Variants in CREBBP observed in about 807,000 individuals in gnomAD.
CREBBP encodes the protein CREB binding lysine acetyltransferase, also known as CREB-binding protein.
Under a neutral mutation model 265.0 loss-of-function variants are expected in CREBBP, and 19 were observed. That is an observed-to-expected ratio of 0.07 (90% CI 0.05 to 0.11). The LOEUF (loss-of-function observed/expected upper bound fraction) is 0.11, where lower values mean the gene tolerates loss of function less well. Ranked by LOEUF, CREBBP falls within the 10% of genes least tolerant of loss-of-function variation. The pLI is 1.00. For missense variants in CREBBP, 2,525 were observed against 3,219.0 expected (o/e 0.78, Z 5.22); for synonymous variants, 1,457 against 1,223.7 (o/e 1.19, Z -3.98).
intron 5 of CREBBP, 147 bp downstream of exon 5, chr16:3,791,834 G>C: frequency 1.4e-6 from 1 of 740,732 alleles, no homozygotes. Context: ...CTCTGAGCTT[G>C]GCTGTACCTT....
In CREBBP at chr16:3,863,993, T is replaced by C. The variant is rs544789919; in HGVS notation, c.86-12984A>G. ...CGGAGAGGTGCTACAGTCAGCTGCC[T>C]ATCCACCCTGCTTACAGGGAGAGGA... On this transcript the variant is annotated intron_variant, in intron 1 of 30. Transcript: ENST00000262367. 2.6e-5 allele frequency among the ~76,000 whole-genome samples: 4 copies of C among 152,314 alleles called. No homozygotes were observed. The East Asian group carries it at 7.7e-4, about 29-fold the overall frequency.
chr16:3,726,596 A>G lies in CREBBP; in HGVS notation c.*1122T>C, dbSNP rs756547297. The G allele has an allele frequency of 8.6e-6, 2 of 233,556 alleles. No individual in the cohort carries two copies. Among genetic ancestry groups the G allele is most frequent in the Non-Finnish European group, 8.5e-6 (1 of 118,062 alleles). 14.5% of individuals were successfully genotyped at this position (233,556 alleles called of 1,614,324 possible). A position where few individuals can be genotyped will look rare whatever the true frequency, so the allele number is the denominator to read the frequency against. ...AAGAACAGACTCAAAAAATATATAT[A>G]AATAAATAAAAACCTTAAACATTCT... On this transcript the variant is annotated 3_prime_UTR_variant, in exon 31 of 31. Coordinates refer to ENST00000262367, the MANE Select transcript of CREBBP (RefSeq NM_004380.3).
intron 19 of CREBBP, among the ~76,000 whole-genome samples, chr16:3,753,134 C>T (rs910818397): frequency 3.9e-5 from 6 of 152,212 alleles, no homozygotes; most frequent in East Asian, 3.8e-4. Flanking sequence ...AGGACTCGAG[C>T]GCCAGGCTGA....
At chr16:3,827,424 CTCTGTTGCCCAGGCTGGA>C (rs1364919238) in intron 2 of CREBBP, among the ~76,000 whole-genome samples, 2 of 152,188 alleles carry the variant, frequency 1.3e-5, no homozygotes, top group African/African-American at 4.8e-5. Flanking sequence ...CAGAGTCTCA[CTCTGTTGCCCAGGCTGGA>C]GTGCAGTGAC....
In CREBBP at chr16:3,812,968, T is replaced by C. The variant is rs926115925; in HGVS notation, c.799-2189A>G. The C allele has an allele frequency of 2.5e-4, 53 of 213,884 alleles. 1 individual carries two copies. The East Asian group carries it at 3.6e-3, about 15-fold the overall frequency. The allele number at this position is 213,884 out of a possible 1,614,324, so 13.2% of individuals were successfully genotyped here. On this transcript the variant is annotated intron_variant, in intron 2 of 30. Transcript: ENST00000262367. ...GACTGCCACGCCAGCATGTCCACTC[T>C]GGGTAACTTAACATTCCTTCTATGG... is the stretch of plus-strand genomic sequence containing the variant.
rs2151296706 is a variant in CREBBP at position 3,727,213 on chromosome 16, A to C, written c.*505T>G. 4.0e-6 allele frequency: 1 copy of C among 251,522 alleles called. No individual in the cohort carries two copies. The highest frequency in any genetic ancestry group is 6.0e-5 in the East Asian group (1 of 16,798). 15.6% of individuals were successfully genotyped at this position (251,522 alleles called of 1,614,324 possible). ...CAGGGTAATACTGGGAGACGCCCAC[A>C]GAGTTCACTATAGAAAAAAATCTTC... is the stretch of plus-strand genomic sequence containing the variant. On this transcript the variant is annotated 3_prime_UTR_variant, in exon 31 of 31. Transcript: ENST00000262367.
rs1419580982 is a variant in CREBBP at position 3,770,599 on chromosome 16, G to T, written c.2851C>A (p.Pro951Thr). 8 of 1,613,498 alleles carry T rather than the reference G, an allele frequency of 5.0e-6. No individual in the cohort carries two copies. Among genetic ancestry groups the T allele is most frequent in the Non-Finnish European group, 5.9e-6 (7 of 1,180,016 alleles). Reference sequence around the variant, plus strand: ...GTGCCAGGAGGCTGGGCGTGCACAGGCGTCGGCTGTTGCTGCGATGACTGA... The same window carrying T: ...GTGCCAGGAGGCTGGGCGTGCACAGTCGTCGGCTGTTGCTGCGATGACTGA... ...TPQSSQQQPT[P>T]VHAQPPGTPL... is the part of the protein sequence containing the mutation. The change falls in exon 14 of 31, where the codon CCT becomes ACT. Residue 951 changes from proline (P) to threonine (T), a missense_variant. Around this residue, in one of 19 missense-constraint regions of CREBBP, gnomAD observed 548 missense variants for 533.0 expected, o/e 1.03. Coordinates refer to ENST00000262367, the MANE Select transcript of CREBBP (RefSeq NM_004380.3).
In CREBBP at chr16:3,725,232, ATCCACAGACCATGC is replaced by A. The variant is rs1396767352; in HGVS notation, c.*2472_*2485del. 21 of 233,430 alleles carry A rather than the reference ATCCACAGACCATGC, an allele frequency of 9.0e-5. No homozygotes were observed. Among genetic ancestry groups the A allele is most frequent in the Non-Finnish European group, 1.3e-4 (15 of 118,050 alleles). The allele number at this position is 233,430 out of a possible 1,614,324, so 14.5% of individuals were successfully genotyped here. A position where few individuals can be genotyped will look rare whatever the true frequency, so the allele number is the denominator to read the frequency against. ...TCCTTACGACAAACTTAGGGTTAGC[ATCCACAGACCATGC>A]TCTCGGTCACATCCTTCGACATCTG... is the stretch of plus-strand genomic sequence containing the variant. On this transcript the variant is annotated 3_prime_UTR_variant, in exon 31 of 31. Transcript: ENST00000262367.
chr16:3,751,896 A>G, intron 19 of CREBBP, 90 bp from the exon 20 acceptor site: 3 of 1,268,192 alleles, frequency 2.4e-6, no homozygotes, highest in Non-Finnish European at 3.4e-6. Flanking sequence ...AGCAGGGCAG[A>G]GCACCACGAC....
At chr16:3,803,400 A>T (rs1454718436) in intron 3 of CREBBP, among the ~76,000 whole-genome samples, 1 of 151,408 alleles carries the variant, frequency 6.6e-6, no homozygotes, top group Non-Finnish European at 1.5e-5. Context: ...AACTACTCGG[A>T]AGGCTGAGGC....
chr16:3,834,350 A>G (rs1047941255), intron 2 of CREBBP, among the ~76,000 whole-genome samples: 4 of 152,226 alleles, frequency 2.6e-5, no homozygotes, highest in African/African-American at 9.6e-5. Flanking sequence ...CTTGGAAGCA[A>G]CCATGAAGTC....
intron 19 of CREBBP, among the ~76,000 whole-genome samples, chr16:3,754,324 A>G (rs911003251): frequency 2.6e-5 from 4 of 152,172 alleles, no homozygotes; most frequent in Non-Finnish European, 5.9e-5. Context: ...CTGGCAGTCT[A>G]TGAGTGATAG....
intron 19 of CREBBP, among the ~76,000 whole-genome samples, chr16:3,754,110 T>A (rs1042080771): frequency 1.4e-4 from 21 of 147,614 alleles, no homozygotes; most frequent in African/African-American, 5.6e-4. Context: ...AATCCCAGGA[T>A]CAGAACCGGG....
At chr16:3,849,481 G>GCCACC (rs2054777701) in intron 2 of CREBBP, among the ~76,000 whole-genome samples, 1 of 122,420 alleles carries the variant, frequency 8.2e-6, no homozygotes, top group Non-Finnish European at 1.7e-5. Context: ...GTGTGTGTGT[G>GCCACC]TGTGTGTGAT....
intron 14 of CREBBP, 74 bp from the exon 15 acceptor site, chr16:3,769,427 A>C (rs2141193583): frequency 1.9e-6 from 3 of 1,556,648 alleles, no homozygotes; most frequent in Admixed American, 1.7e-5. Flanking sequence ...CTGCTCATGC[A>C]ACCTACAATT....
At chr16:3,815,946 G>C (rs1388667885) in intron 2 of CREBBP, among the ~76,000 whole-genome samples, 1 of 151,770 alleles carries the variant, frequency 6.6e-6, no homozygotes, top group African/African-American at 2.4e-5. Flanking sequence ...TAAAAAAGCA[G>C]AACAGAGAAT....
chr16:3,832,877 C>G (rs1034524551), intron 2 of CREBBP, among the ~76,000 whole-genome samples: 1 of 151,404 alleles, frequency 6.6e-6, no homozygotes, highest in Non-Finnish European at 1.5e-5. Context: ...CTCAGAAAGA[C>G]GTAATTCACA....
chr16:3,865,690 A>G (rs8059786), intron 1 of CREBBP, among the ~76,000 whole-genome samples: 8,724 of 151,770 alleles, frequency 0.057, 644 homozygotes, highest in African/African-American at 0.18. Context: ...CCAGGCTGGA[A>G]TGTAGTGGCG....
Position 3,880,032 on chromosome 16 carries a change from G to C in CREBBP, c.-116C>G, listed in dbSNP as rs955729800. Reference sequence around the variant, plus strand: ...AGAGGAGCGAGCGCGGGCCGCGAGCGGGCGGGCGGGCGCCGAGGGAGAGGG... The same window carrying C: ...AGAGGAGCGAGCGCGGGCCGCGAGCCGGCGGGCGGGCGCCGAGGGAGAGGG... On this transcript the variant is annotated 5_prime_UTR_variant, in exon 1 of 31. Transcript: ENST00000262367. The C allele has an allele frequency of 1.6e-5, 13 of 826,908 alleles. No individual in the cohort carries two copies. The highest frequency in any genetic ancestry group is 1.2e-4 in the East Asian group (3 of 24,706). The allele number at this position is 826,908 out of a possible 1,614,324, so 51.2% of individuals were successfully genotyped here.
Sources: gnomAD v4.1 joint callset for allele counts (sites outside exome capture counted in the v4.1 genomes callset) on GRCh38, gnomAD v4.1.1 for gene constraint, gnomAD v4.1.1 regional missense constraint, MANE v1.5 for transcripts, NCBI Gene and HGNC (gene_info 2026-07-23, HGNC 2026-07-21) for gene names.